Variants in SMOC2 observed in about 807,000 individuals in gnomAD.
SMOC2 encodes SPARC-related modular calcium-binding protein 2.
Under a neutral mutation model 61.4 loss-of-function variants are expected in SMOC2, and 39 were observed. The ratio of observed to expected loss-of-function variants is 0.64; its 90% CI spans 0.49 to 0.83. The LOEUF (loss-of-function observed/expected upper bound fraction) is 0.83. Ranked by LOEUF, SMOC2 falls within the 40% of genes least tolerant of loss-of-function variation. The pLI, the probability that SMOC2 is intolerant of heterozygous loss-of-function variation, is 0.00. For synonymous variants in SMOC2, 247 were observed against 239.9 expected, an observed-to-expected ratio of 1.03 and a Z score of -0.27; for missense variants, 556 against 592.9, an observed-to-expected ratio of 0.94 and a Z score of 0.65.
intron 9 of SMOC2, among the ~76,000 whole-genome samples, chr6:168,625,314 C>T (rs1267405706): frequency 6.6e-6 from 1 of 152,204 alleles, no homozygotes; most frequent in Non-Finnish European, 1.5e-5. Flanking sequence ...CTGGAGCCTG[C>T]TGGGGTTTCA....
At chr6:168,617,342 A>G (rs1370200976) in intron 9 of SMOC2, among the ~76,000 whole-genome samples, 1 of 152,210 alleles carries the variant, frequency 6.6e-6, no homozygotes, top group African/African-American at 2.4e-5. Context: ...ATACTTCAAC[A>G]GCTGAGTGTG....
chr6:168,574,649 T>A (rs2880403), intron 7 of SMOC2, among the ~76,000 whole-genome samples: 23,934 of 152,000 alleles, frequency 0.16, 3,736 homozygotes, highest in African/African-American at 0.4. Flanking sequence ...TCAGGGGGGA[T>A]TCCTGTGCCG....
intron 7 of SMOC2, among the ~76,000 whole-genome samples, chr6:168,592,420 G>C (rs200351211): frequency 6.4e-4 from 52 of 81,552 alleles, no homozygotes; most frequent in African/African-American, 1.8e-3. Context: ...GAGGCCTCAC[G>C]AGCATCTTTC....
At chr6:168,645,283 A>G (rs758758424) in intron 9 of SMOC2, among the ~76,000 whole-genome samples, 3 of 152,214 alleles carry the variant, frequency 2.0e-5, no homozygotes, top group Non-Finnish European at 4.4e-5. Flanking sequence ...GCAGTTAAAA[A>G]TGTATTTCTT....
chr6:168,604,094 G>T (rs560549115), intron 8 of SMOC2, among the ~76,000 whole-genome samples: 1 of 152,202 alleles, frequency 6.6e-6, no homozygotes, highest in East Asian at 1.9e-4. Context: ...TCCCAAAGCC[G>T]CCCTGACACC....
chr6:168,546,940 T>C (rs975304141), intron 5 of SMOC2, 179 bp from the exon 6 acceptor site: 15 of 737,418 alleles, frequency 2.0e-5, no homozygotes, highest in Non-Finnish European at 3.4e-5. Context: ...CACTCAAGAC[T>C]GGTATAGTCA....
At chr6:168,494,108 G>A (rs6908023) in intron 1 of SMOC2, among the ~76,000 whole-genome samples, 27,160 of 152,134 alleles carry the variant, frequency 0.18, 5,275 homozygotes, top group African/African-American at 0.46. Context: ...AGGCATATTG[G>A]TCTGAATCTT....
At chr6:168,563,599 G>T (rs1424318182) in intron 7 of SMOC2, among the ~76,000 whole-genome samples, 1 of 152,096 alleles carries the variant, frequency 6.6e-6, no homozygotes, top group African/African-American at 2.4e-5. Context: ...GGGGCCTTTG[G>T]AAGGTGATGA....
chr6:168,569,890 A>C (rs552051134), intron 7 of SMOC2, among the ~76,000 whole-genome samples: 4 of 152,170 alleles, frequency 2.6e-5, no homozygotes, highest in African/African-American at 4.8e-5. Context: ...TCTTTCATAC[A>C]TTGTGCCTTT....
intron 4 of SMOC2, among the ~76,000 whole-genome samples, chr6:168,528,076 G>A (rs970970671): frequency 6.6e-6 from 1 of 152,150 alleles, no homozygotes; most frequent in African/African-American, 2.4e-5. Flanking sequence ...ATGACCAAAT[G>A]TTTTCTTTGG....
At chr6:168,614,516 G>A (rs558483073) in intron 9 of SMOC2, among the ~76,000 whole-genome samples, 1 of 62,364 alleles carries the variant, frequency 1.6e-5, no homozygotes, top group African/African-American at 7.2e-5. Context: ...GCCAGCACAG[G>A]GCCTCTTCAC....
intron 1 of SMOC2, among the ~76,000 whole-genome samples, chr6:168,506,890 T>A (rs1215454561): frequency 6.6e-6 from 1 of 152,256 alleles, no homozygotes; most frequent in Non-Finnish European, 1.5e-5. Context: ...TATTTATTTT[T>A]CTTGAATGGG....
Position 168,579,741 on chromosome 6 carries a change from G to C in SMOC2, c.638-19077G>C, listed in dbSNP as rs528169556. ...TGTGGCCTTGATTGTGGTGGGTGGG[G>C]GTGGCCTTTGCAGCCCTGTGAGTCA... On this transcript the variant is annotated intron_variant, in intron 7 of 12. Transcript: ENST00000356284. 4.6e-5 allele frequency among the ~76,000 whole-genome samples: 7 copies of C among 152,282 alleles called. No individual in the cohort carries two copies. In the South Asian group the frequency reaches 1.2e-3, roughly 27 times the overall value.
At chr6:168,610,273 C>T (rs565370689) in intron 9 of SMOC2, among the ~76,000 whole-genome samples, 2 of 152,286 alleles carry the variant, frequency 1.3e-5, no homozygotes, top group South Asian at 4.2e-4. Flanking sequence ...CAGACGAAAA[C>T]CAGATTGCTG....
chr6:168,635,360 A>C, intron 9 of SMOC2, among the ~76,000 whole-genome samples: 1 of 150,574 alleles, frequency 6.6e-6, no homozygotes, highest in East Asian at 1.9e-4. Flanking sequence ...AGCGCAGGGA[A>C]AAAATAAACC....
At chr6:168,519,096 TG>T (rs1783254364) in intron 2 of SMOC2, among the ~76,000 whole-genome samples, 1 of 148,602 alleles carries the variant, frequency 6.7e-6, no homozygotes, top group Non-Finnish European at 1.5e-5. Context: ...TGTGTGAACA[TG>T]CGTGTGTGAA....
At chr6:168,571,029 G>A (rs1363703601) in intron 7 of SMOC2, among the ~76,000 whole-genome samples, 1 of 152,072 alleles carries the variant, frequency 6.6e-6, no homozygotes, top group Non-Finnish European at 1.5e-5. Flanking sequence ...GGAGTTCAGG[G>A]TTTCCACGAC....
intron 7 of SMOC2, among the ~76,000 whole-genome samples, chr6:168,555,638 C>T (rs1784229741): frequency 6.6e-6 from 1 of 152,170 alleles, no homozygotes; most frequent in African/African-American, 2.4e-5. Context: ...ATGCCTCTTG[C>T]GGGATTTGAA....
chr6:168,611,848 G>T (rs1279580781), intron 9 of SMOC2, among the ~76,000 whole-genome samples: 1 of 152,124 alleles, frequency 6.6e-6, no homozygotes, highest in Non-Finnish European at 1.5e-5. Flanking sequence ...CATCCTTCAG[G>T]ACGGCTTCCT....
Sources: gnomAD v4.1 joint callset for allele counts (sites outside exome capture counted in the v4.1 genomes callset) on GRCh38, gnomAD v4.1.1 for gene constraint, MANE v1.5 for transcripts, NCBI Gene and HGNC (gene_info 2026-07-23, HGNC 2026-07-21) for gene names.